Variants in TMEM87B observed in about 807,000 individuals in gnomAD.
TMEM87B encodes transmembrane protein 87B.
Under a neutral mutation model 80.3 loss-of-function variants are expected in TMEM87B, and 83 were observed. The ratio of observed to expected loss-of-function variants is 1.03; its 90% CI spans 0.87 to 1.24. The LOEUF (loss-of-function observed/expected upper bound fraction) is 1.24. Among genes scored for constraint, TMEM87B ranks in the 50% most tolerant of loss-of-function variants. The pLI, the probability that TMEM87B is intolerant of heterozygous loss-of-function variation, is 0.00. For synonymous variants in TMEM87B, 219 were observed against 230.5 expected (o/e 0.95, Z 0.45); for missense variants, 625 against 674.4 (o/e 0.93, Z 0.81).
At chr2:112,056,954 G>A (rs1678090631) in intron 1 of TMEM87B, among the ~76,000 whole-genome samples, 1 of 152,220 alleles carries the variant, frequency 6.6e-6, no homozygotes, top group Admixed American at 6.5e-5. Flanking sequence ...AACTATATTG[G>A]AAGTGAATCA....
chr2:112,116,111 GA>G lies in TMEM87B; in HGVS notation c.1642del (p.Met548CysfsTer7). 1 of 1,612,280 alleles carries G rather than the reference GA, an allele frequency of 6.2e-7. No individual in the cohort carries two copies. Reference protein sequence around the residue: ...EEIMTRSEMAEKMFSSEKIM With the variant: ...EEIMTRSEMAXKMFSSEKIM ...AATCATGACCAGATCTGAAATGGCT[GA>G]AAAAATGTTCTCTTCAGAAAAGATA... On this transcript the variant is annotated frameshift_variant, in exon 19 of 19. Coordinates refer to ENST00000283206, the MANE Select transcript of TMEM87B (RefSeq NM_032824.3). LOFTEE classifies it high-confidence loss of function.
chr2:112,081,980 A>G (rs1679012090), intron 8 of TMEM87B, among the ~76,000 whole-genome samples: 1 of 152,076 alleles, frequency 6.6e-6, no homozygotes, highest in Admixed American at 6.5e-5. Context: ...TGCTCTCCCC[A>G]CCTCTTTACT....
Position 112,119,206 on chromosome 2 carries a change from A to C in TMEM87B, c.*3063A>C, listed in dbSNP as rs551377022. On this transcript the variant is annotated 3_prime_UTR_variant, in exon 19 of 19. Coordinates refer to ENST00000283206, the MANE Select transcript of TMEM87B (RefSeq NM_032824.3). ...TTAAATTATTCCGTAATTTGGAAGAAGTTTCGTTGAATGTAGGACATAACC... is the reference window on the plus strand; with the variant it reads ...TTAAATTATTCCGTAATTTGGAAGACGTTTCGTTGAATGTAGGACATAACC... 1 of 152,298 alleles carries C rather than the reference A, an allele frequency of 6.6e-6. No homozygotes were observed. Among genetic ancestry groups the C allele is most frequent in the African/African-American group, 2.4e-5 (1 of 41,586 alleles). 9.4% of individuals were successfully genotyped at this position (152,298 alleles called of 1,614,324 possible).
rs1405761789 is a variant in TMEM87B, at chr2:112,118,315, G to A, written c.*2172G>A. ...AGGAGAAGTTATACCTAGGGCTACT[G>A]AGCAGCTCATCATCCCTGTTTCTGC... On this transcript the variant is annotated 3_prime_UTR_variant, in exon 19 of 19. Coordinates refer to ENST00000283206, the MANE Select transcript of TMEM87B (RefSeq NM_032824.3). 6.6e-6 allele frequency: 1 copy of A among 152,140 alleles called. No individual in the cohort carries two copies. The highest frequency in any genetic ancestry group is 1.5e-5 in the Non-Finnish European group (1 of 68,040). 9.4% of individuals were successfully genotyped at this position (152,140 alleles called of 1,614,324 possible).
At position 112,116,102 on chromosome 2, in the gene TMEM87B, GA is replaced by G; in HGVS notation, c.1630del (p.Met544TrpfsTer11). 1 of 1,612,436 alleles carries G rather than the reference GA, an allele frequency of 6.2e-7. No homozygotes were observed. Among genetic ancestry groups the G allele is most frequent in the Non-Finnish European group, 8.5e-7 (1 of 1,179,502 alleles). ...DSDEEIMTRS[E>X]MAEKMFSSEK... The stretch of plus-strand genomic sequence containing the variant: ...TCTTCAGGAAATCATGACCAGATCT[GA>G]AATGGCTGAAAAAATGTTCTCTTCA... On this transcript the variant is annotated frameshift_variant, in exon 19 of 19. Coordinates refer to ENST00000283206, the MANE Select transcript of TMEM87B (RefSeq NM_032824.3). LOFTEE classifies it high-confidence loss of function.
intron 13 of TMEM87B, among the ~76,000 whole-genome samples, 154 bp from the exon 14 acceptor site, chr2:112,098,441 T>TA: frequency 6.6e-6 from 1 of 152,354 alleles, no homozygotes; most frequent in Non-Finnish European, 1.5e-5. Flanking sequence ...TTTTGAACAA[T>TA]ATAGGTTTCT....
At chr2:112,069,318 C>T (rs1238186540) in intron 4 of TMEM87B, among the ~76,000 whole-genome samples, 4 of 152,132 alleles carry the variant, frequency 2.6e-5, no homozygotes, top group Non-Finnish European at 5.9e-5. Context: ...TACCTCCTCC[C>T]AGCCTTCACC....
At chr2:112,080,352 T>G (rs1050774755) in intron 6 of TMEM87B, among the ~76,000 whole-genome samples, 1 of 152,086 alleles carries the variant, frequency 6.6e-6, no homozygotes, top group Non-Finnish European at 1.5e-5. Flanking sequence ...CTCCACCTCC[T>G]GGGTTCACGC....
chr2:112,096,336 G>A (rs4257409), intron 11 of TMEM87B, among the ~76,000 whole-genome samples: 85,312 of 151,686 alleles, frequency 0.56, 24,784 homozygotes, highest in East Asian at 0.87. Flanking sequence ...TTCCCTCATC[G>A]GTGTGTCTAG....
intron 4 of TMEM87B, among the ~76,000 whole-genome samples, chr2:112,072,757 G>A (rs1171100510): frequency 2.6e-5 from 4 of 151,506 alleles, no homozygotes; most frequent in Non-Finnish European, 5.9e-5. Flanking sequence ...TTCATGTCTC[G>A]GTCCCCTTTA....
chr2:112,059,748 CCTAA>C (rs1159681758), intron 1 of TMEM87B, among the ~76,000 whole-genome samples: 3 of 152,124 alleles, frequency 2.0e-5, no homozygotes, highest in East Asian at 3.8e-4. Flanking sequence ...TGTCACTGGC[CCTAA>C]CTGAGTCTGC....
chr2:112,110,766 T>G (rs1455169641), intron 17 of TMEM87B, among the ~76,000 whole-genome samples: 1 of 152,182 alleles, frequency 6.6e-6, no homozygotes, highest in East Asian at 1.9e-4. Flanking sequence ...TCTTTTTATT[T>G]ACTACACGAT....
rs747265797 is a variant in TMEM87B, at chr2:112,055,687, C to T, written c.96C>T (p.Leu32=). The T allele has an allele frequency of 3.2e-5, 50 of 1,581,222 alleles. No homozygotes were observed. The highest frequency in any genetic ancestry group is 3.9e-5 in the Non-Finnish European group (46 of 1,167,366). Residue 32 remains leucine, a synonymous_variant, in exon 1 of 19, where the codon CTC becomes CTT. Coordinates refer to ENST00000283206, the MANE Select transcript of TMEM87B (RefSeq NM_032824.3). ...CGCTGCTGCGCGTCGCCCTCTGCCTCCTGTGCTGGACCCCGGCGGCTGTGC... is the reference window on the plus strand; with the variant it reads ...CGCTGCTGCGCGTCGCCCTCTGCCTTCTGTGCTGGACCCCGGCGGCTGTGC... ...RAPLLRVALC[L]LCWTPAAVRA...
chr2:112,072,507 TG>T (rs1406883188), intron 4 of TMEM87B, among the ~76,000 whole-genome samples: 1 of 152,192 alleles, frequency 6.6e-6, no homozygotes, highest in Non-Finnish European at 1.5e-5. Context: ...GGAGGGTGTA[TG>T]TGTCCAGTAA....
chr2:112,076,976 A>AG (rs1200004787), intron 5 of TMEM87B, among the ~76,000 whole-genome samples: 1 of 143,252 alleles, frequency 7.0e-6, no homozygotes, highest in Non-Finnish European at 1.5e-5. Context: ...CCAAAGCAGG[A>AG]GGATCACATG....
At chr2:112,091,914 G>A (rs938903108) in intron 11 of TMEM87B, 131 bp downstream of exon 11, 2 of 676,770 alleles carry the variant, frequency 3.0e-6, no homozygotes, top group Non-Finnish European at 4.9e-6. Context: ...TCACTTGAAG[G>A]TGAAAAAGTA....
chr2:112,106,214 G>T, intron 16 of TMEM87B, 139 bp downstream of exon 16: 1 of 570,996 alleles, frequency 1.8e-6, no homozygotes, highest in Non-Finnish European at 2.9e-6. Flanking sequence ...ATAAAAATTA[G>T]TGTTGCCAAG....
In TMEM87B at chr2:112,055,426, C is replaced by T; in HGVS notation, c.-166C>T. The T allele has an allele frequency of 1.3e-6, 1 of 794,268 alleles. No homozygotes were observed. The allele number at this position is 794,268 out of a possible 1,614,324, so 49.2% of individuals were successfully genotyped here. On this transcript the variant is annotated 5_prime_UTR_variant, in exon 1 of 19. Coordinates refer to ENST00000283206, the MANE Select transcript of TMEM87B (RefSeq NM_032824.3). ...GCCTCCCGGTCCTGGCCGGGTTTCC[C>T]AGAACTGCACGGCGCCTCTCCGCCC...
At chr2:112,081,586 G>GT (rs1679000901) in intron 8 of TMEM87B, 68 bp downstream of exon 8, 1 of 1,391,346 alleles carries the variant, frequency 7.2e-7, no homozygotes, top group African/African-American at 1.4e-5. Context: ...GAGCAGAGCA[G>GT]TGGGAGGCCC....
Sources: allele counts gnomAD v4.1 joint callset (sites outside exome capture counted in the v4.1 genomes callset), GRCh38; gene constraint gnomAD v4.1.1; transcripts MANE v1.5; gene names NCBI Gene and HGNC (gene_info 2026-07-23, HGNC 2026-07-21).